The following DYNC1I1 variants were observed in gnomAD, a reference collection of about 807,000 sequenced individuals.
The protein encoded by DYNC1I1 is dynein cytoplasmic 1 intermediate chain 1.
In DYNC1I1, 43 loss-of-function variants were observed where a neutral mutation model predicts 86.6. The observed-to-expected ratio is 0.50, with a 90% CI of 0.39 to 0.64. The LOEUF (loss-of-function observed/expected upper bound fraction) is 0.64, where lower values mean the gene tolerates loss of function less well. DYNC1I1 is among the 30% of genes least tolerant of loss of function. DYNC1I1 has a pLI of 0.00. For missense variants in DYNC1I1, 604 were observed against 788.8 expected, an observed-to-expected ratio of 0.77 and a Z score of 2.81; for synonymous variants, 262 against 283.7, an observed-to-expected ratio of 0.92 and a Z score of 0.77.
chr7:95,839,613 A>G (rs1356850689), intron 5 of DYNC1I1, among the ~76,000 whole-genome samples: 1 of 152,178 alleles, frequency 6.6e-6, no homozygotes, highest in Admixed American at 6.5e-5. Flanking sequence ...CACCTTTATA[A>G]CAATGTAGTC....
At chr7:96,063,536 G>A (rs895845116) in intron 14 of DYNC1I1, among the ~76,000 whole-genome samples, 1 of 152,086 alleles carries the variant, frequency 6.6e-6, no homozygotes, top group Non-Finnish European at 1.5e-5. Flanking sequence ...GAAGCCTCTC[G>A]CTTTGACTTG....
chr7:96,043,167 CAAA>C (rs111888029), intron 14 of DYNC1I1, among the ~76,000 whole-genome samples: 7 of 63,486 alleles, frequency 1.1e-4, no homozygotes, highest in Non-Finnish European at 1.8e-4. Context: ...GACTCCATCT[CAAA>C]AAAAAAAAAA....
chr7:95,891,992 G>T (rs2116271796), intron 6 of DYNC1I1, among the ~76,000 whole-genome samples: 1 of 152,076 alleles, frequency 6.6e-6, no homozygotes, highest in Admixed American at 6.6e-5. Flanking sequence ...TTTTGAGACA[G>T]ATTGTTGCTC....
chr7:95,853,320 G>A (rs1789629400), intron 5 of DYNC1I1, among the ~76,000 whole-genome samples: 1 of 152,072 alleles, frequency 6.6e-6, no homozygotes, highest in Admixed American at 6.6e-5. Context: ...TTATAAGAGT[G>A]GATTCCTTAT....
intron 6 of DYNC1I1, among the ~76,000 whole-genome samples, chr7:95,941,609 G>T (rs1166718111): frequency 6.6e-6 from 1 of 152,214 alleles, no homozygotes; most frequent in Non-Finnish European, 1.5e-5. Context: ...TCCGAGCCAG[G>T]TGCAGGATAT....
At chr7:95,964,578 G>A (rs539445425) in intron 6 of DYNC1I1, among the ~76,000 whole-genome samples, 29 of 152,152 alleles carry the variant, frequency 1.9e-4, no homozygotes, top group Non-Finnish European at 3.1e-4. Flanking sequence ...TGCTATTGTG[G>A]AATTCTCATT....
chr7:95,944,182 AAAAC>A (rs1465201516), intron 6 of DYNC1I1, among the ~76,000 whole-genome samples: 5 of 152,230 alleles, frequency 3.3e-5, no homozygotes, highest in African/African-American at 4.8e-5. Flanking sequence ...TTACAAGAAA[AAAAC>A]AAACAACTCC....
At chr7:95,891,843 A>G (rs1215088611) in intron 6 of DYNC1I1, among the ~76,000 whole-genome samples, 1 of 152,004 alleles carries the variant, frequency 6.6e-6, no homozygotes, top group Non-Finnish European at 1.5e-5. Context: ...TTCTTCACGC[A>G]TTTGTTCTGC....
rs1165659717 is a variant in DYNC1I1, at chr7:96,098,010, C to G, written c.*417C>G. On this transcript the variant is annotated 3_prime_UTR_variant, in exon 17 of 17. Coordinates refer to ENST00000447467, the MANE Select transcript of DYNC1I1 (RefSeq NM_001135556.2). Reference sequence around the variant, plus strand: ...TCATATTATGGTACAGGGCCAAAGACTTGAGACGTGGTGTTTTACATGGTG... The same window carrying G: ...TCATATTATGGTACAGGGCCAAAGAGTTGAGACGTGGTGTTTTACATGGTG... The G allele has an allele frequency of 5.2e-5, 52 of 991,510 alleles. No individual in the cohort carries two copies. The highest frequency in any genetic ancestry group is 6.2e-5 in the Non-Finnish European group (52 of 833,406). The allele number at this position is 991,510 out of a possible 1,614,324, so 61.4% of individuals were successfully genotyped here. A position where few individuals can be genotyped will look rare whatever the true frequency, so the allele number is the denominator to read the frequency against.
chr7:95,779,104 G>T (rs996045222), intron 1 of DYNC1I1, among the ~76,000 whole-genome samples: 1 of 152,176 alleles, frequency 6.6e-6, no homozygotes, highest in Non-Finnish European at 1.5e-5. Flanking sequence ...TGGGACTGCT[G>T]CTGAACATGC....
chr7:95,856,255 C>G (rs952407672), intron 5 of DYNC1I1, among the ~76,000 whole-genome samples: 5 of 152,068 alleles, frequency 3.3e-5, no homozygotes, highest in African/African-American at 1.2e-4. Flanking sequence ...TGTCTTTCAC[C>G]TCCACATGTT....
intron 6 of DYNC1I1, among the ~76,000 whole-genome samples, chr7:95,910,645 T>G (rs1318255250): frequency 2.0e-5 from 3 of 152,190 alleles, no homozygotes; most frequent in Non-Finnish European, 2.9e-5. Flanking sequence ...TTGGCTGCCT[T>G]GTCAAGGCAT....
intron 14 of DYNC1I1, among the ~76,000 whole-genome samples, chr7:96,041,060 G>A (rs1480727922): frequency 1.3e-5 from 2 of 152,016 alleles, no homozygotes; most frequent in African/African-American, 4.8e-5. Context: ...CATGCAATCT[G>A]GAGGGAGAGC....
intron 7 of DYNC1I1, among the ~76,000 whole-genome samples, chr7:95,977,858 C>G (rs1793348657): frequency 6.6e-6 from 1 of 152,136 alleles, no homozygotes; most frequent in African/African-American, 2.4e-5. Flanking sequence ...GTCACAATTC[C>G]AGAACACTTG....
intron 10 of DYNC1I1, among the ~76,000 whole-genome samples, chr7:96,025,044 A>G (rs576201714): frequency 2.0e-5 from 3 of 152,078 alleles, no homozygotes; most frequent in Non-Finnish European, 4.4e-5. Context: ...ATCTATACAC[A>G]TATATTCTTA....
chr7:95,924,077 C>T (rs925794209), intron 6 of DYNC1I1, among the ~76,000 whole-genome samples: 4 of 152,076 alleles, frequency 2.6e-5, no homozygotes, highest in Non-Finnish European at 5.9e-5. Context: ...AGTGTGATGT[C>T]ATCGACCTAT....
At chr7:96,000,980 A>C (rs1793996992) in intron 10 of DYNC1I1, among the ~76,000 whole-genome samples, 1 of 152,180 alleles carries the variant, frequency 6.6e-6, no homozygotes, top group Non-Finnish European at 1.5e-5. Flanking sequence ...AAATCGTTTT[A>C]TTTGTCTTGC....
intron 6 of DYNC1I1, among the ~76,000 whole-genome samples, chr7:95,929,524 T>C (rs1191007228): frequency 6.6e-6 from 1 of 152,150 alleles, no homozygotes; most frequent in Admixed American, 6.6e-5. Context: ...CTGGGGTTGT[T>C]TGTTGTTGCT....
chr7:95,816,008 T>G (rs1038519108), intron 4 of DYNC1I1, among the ~76,000 whole-genome samples: 2 of 120,524 alleles, frequency 1.7e-5, no homozygotes, highest in African/African-American at 6.7e-5. Flanking sequence ...AAAATCCCTC[T>G]TATTGATTTT....
Sources: gnomAD v4.1 joint callset for allele counts (sites outside exome capture counted in the v4.1 genomes callset) on GRCh38, gnomAD v4.1.1 for gene constraint, MANE v1.5 for transcripts, NCBI Gene and HGNC (gene_info 2026-07-23, HGNC 2026-07-21) for gene names.